Variants in CSTPP1 observed in about 807,000 individuals in gnomAD.
CSTPP1 encodes UPF0705 protein C11orf49.
chr11:47,070,567 G>A, the CSTPP1 span, among the ~76,000 whole-genome samples: 3 of 152,174 alleles, frequency 2.0e-5, no homozygotes, highest in Non-Finnish European at 4.4e-5. Context: ...ACATTAAGCG[G>A]TTTCAACCCT....
At chr11:47,002,411 G>A in the CSTPP1 span, among the ~76,000 whole-genome samples, 1 of 152,184 alleles carries the variant, frequency 6.6e-6, no homozygotes, top group African/African-American at 2.4e-5. Context: ...GGTCATTGAG[G>A]ATGCAAGAAG....
the CSTPP1 span, among the ~76,000 whole-genome samples, chr11:47,063,773 G>A: frequency 6.6e-6 from 1 of 152,126 alleles, no homozygotes; most frequent in Admixed American, 6.6e-5. Context: ...TGTAAGTAAT[G>A]CTGCTATGAA....
chr11:47,036,257 T>TA, the CSTPP1 span, among the ~76,000 whole-genome samples: 6 of 48,396 alleles, frequency 1.2e-4, 1 homozygote, highest in Admixed American at 3.2e-4. Context: ...TATTATATAT[T>TA]ATATAATATA....
At chr11:47,016,108 C>G in the CSTPP1 span, among the ~76,000 whole-genome samples, 1 of 152,014 alleles carries the variant, frequency 6.6e-6, no homozygotes, top group Non-Finnish European at 1.5e-5. Context: ...TAGAGCCAGA[C>G]CTTGCCTCAA....
the CSTPP1 span, among the ~76,000 whole-genome samples, chr11:46,974,954 G>A: frequency 6.7e-6 from 1 of 150,302 alleles, no homozygotes; most frequent in Non-Finnish European, 1.5e-5. Context: ...AGAAACCAAA[G>A]AAAATATATT....
the CSTPP1 span, among the ~76,000 whole-genome samples, chr11:47,134,179 T>G: frequency 6.6e-6 from 1 of 152,070 alleles, no homozygotes; most frequent in Non-Finnish European, 1.5e-5. Flanking sequence ...GAAGGCTAAG[T>G]GAGTTAATTT....
At chr11:47,015,494 CA>C in the CSTPP1 span, among the ~76,000 whole-genome samples, 7 of 151,516 alleles carry the variant, frequency 4.6e-5, no homozygotes, top group East Asian at 1.4e-3. Context: ...AACAAACAAA[CA>C]AAAAATATAT....
chr11:47,116,266 G>A, the CSTPP1 span, among the ~76,000 whole-genome samples: 3 of 152,218 alleles, frequency 2.0e-5, no homozygotes, highest in Non-Finnish European at 2.9e-5. Context: ...TAAGCGTGAT[G>A]TGATGCTGAG....
At chr11:46,941,792 AAAG>A in the CSTPP1 span, among the ~76,000 whole-genome samples, 1 of 152,172 alleles carries the variant, frequency 6.6e-6, no homozygotes, top group Non-Finnish European at 1.5e-5. Context: ...GTGTAAGCCT[AAAG>A]AAGACTATAC....
At chr11:46,953,073 C>G in the CSTPP1 span, among the ~76,000 whole-genome samples, 1 of 151,982 alleles carries the variant, frequency 6.6e-6, no homozygotes, top group African/African-American at 2.4e-5. Context: ...TGGAGAGTTT[C>G]AAGATGGAGG....
chr11:47,004,869 T>C, the CSTPP1 span, among the ~76,000 whole-genome samples: 2 of 152,342 alleles, frequency 1.3e-5, no homozygotes, highest in African/African-American at 4.8e-5. Context: ...GCTGTTTATC[T>C]ATGCTTGCAG....
the CSTPP1 span, among the ~76,000 whole-genome samples, chr11:47,026,400 T>C: frequency 6.6e-6 from 1 of 152,194 alleles, no homozygotes; most frequent in South Asian, 2.1e-4. Flanking sequence ...AAGGATCTTG[T>C]AGGAACAAGA....
chr11:47,154,229 G>A, the CSTPP1 span, among the ~76,000 whole-genome samples: 3 of 152,178 alleles, frequency 2.0e-5, no homozygotes, highest in Non-Finnish European at 4.4e-5. Flanking sequence ...GAGCCACCGC[G>A]CCTGGCCAAA....
At chr11:47,112,602 G>A in the CSTPP1 span, among the ~76,000 whole-genome samples, 4 of 152,168 alleles carry the variant, frequency 2.6e-5, no homozygotes, top group Non-Finnish European at 4.4e-5. Flanking sequence ...GACTACAGGC[G>A]TGAGCTGCTG....
chr11:47,069,866 AC>A, the CSTPP1 span, among the ~76,000 whole-genome samples: 1 of 152,160 alleles, frequency 6.6e-6, no homozygotes, highest in Admixed American at 6.5e-5. Flanking sequence ...GGCATGTGCC[AC>A]CATGCCCAGC....
At chr11:47,148,573 G>A in the CSTPP1 span, among the ~76,000 whole-genome samples, 1 of 152,186 alleles carries the variant, frequency 6.6e-6, no homozygotes, top group Non-Finnish European at 1.5e-5. Flanking sequence ...CTAGATCGCT[G>A]GCTTCTGCCT....
chr11:47,057,555 G>A, the CSTPP1 span, among the ~76,000 whole-genome samples: 1 of 152,166 alleles, frequency 6.6e-6, no homozygotes, highest in South Asian at 2.1e-4. Flanking sequence ...AATAGGCAGT[G>A]GGGGCTGTGG....
chr11:47,162,025 T>G, the CSTPP1 span: 1 of 1,007,844 alleles, frequency 9.9e-7, no homozygotes, highest in South Asian at 4.3e-5. Context: ...AGAACCCGAA[T>G]AGCCACGCAG....
the CSTPP1 span, chr11:47,155,235 C>G: frequency 6.2e-7 from 1 of 1,613,922 alleles, no homozygotes; most frequent in East Asian, 2.2e-5. Flanking sequence ...TTCCTCTTTG[C>G]CTTCCAGATC....
Sources: gnomAD v4.1 joint callset for allele counts (sites outside exome capture counted in the v4.1 genomes callset) on GRCh38, gnomAD v4.1.1 for gene constraint, MANE v1.5 for transcripts, NCBI Gene and HGNC (gene_info 2026-07-23, HGNC 2026-07-21) for gene names.